TEX22: variants seen among roughly 807,000 people sequenced by gnomAD.
The protein encoded by TEX22 is testis expressed 22.
TEX22 carries 16 observed loss-of-function variants against 11.3 expected under a neutral mutation model. The ratio of observed to expected loss-of-function variants is 1.42; its 90% CI spans 0.96 to 2.15. TEX22 has a LOEUF of 2.15. TEX22 is among the 30% of genes most tolerant of loss of function. The pLI is 0.00. For synonymous variants in TEX22, 97 were observed against 92.3 expected, an observed-to-expected ratio of 1.05 and a Z score of -0.29; for missense variants, 220 against 208.6, an observed-to-expected ratio of 1.05 and a Z score of -0.34.
At chr14:105,402,651 G>A (rs2081636936) in intron 2 of TEX22, among the ~76,000 whole-genome samples, 1 of 151,850 alleles carries the variant, frequency 6.6e-6, no homozygotes, top group Non-Finnish European at 1.5e-5. Context: ...AGCTACTCGG[G>A]AGGCTGAGGC....
At chr14:105,399,577 T>C in intron 2 of TEX22, 87 bp downstream of exon 2, 1 of 1,411,118 alleles carries the variant, frequency 7.1e-7, no homozygotes, top group Non-Finnish European at 9.4e-7. Flanking sequence ...AGGCTGGTCG[T>C]GATGAGCAGC....
rs1555419396 is a variant in TEX22, at chr14:105,411,608, G to A, written c.280-52G>A. 7 of 1,278,518 alleles carry A rather than the reference G, an allele frequency of 5.5e-6. No homozygotes were observed. In the African/African-American group the frequency reaches 8.2e-5, roughly 15 times the overall value. The allele number at this position is 1,278,518 out of a possible 1,614,324, so 79.2% of individuals were successfully genotyped here. A position where few individuals can be genotyped will look rare whatever the true frequency, so the allele number is the denominator to read the frequency against. On this transcript the variant is annotated intron_variant, in intron 3 of 3. Coordinates refer to ENST00000451127, the MANE Select transcript of TEX22 (RefSeq NM_001195082.2). ...CTTTACCCCGGCGCTCCCGGGCCCCGCCGTTGTCCCCTTCCCGCCCCTCGA... is the reference window on the plus strand; with the variant it reads ...CTTTACCCCGGCGCTCCCGGGCCCCACCGTTGTCCCCTTCCCGCCCCTCGA...
At chr14:105,407,650 G>A (rs778281300) in intron 2 of TEX22, among the ~76,000 whole-genome samples, 24 of 152,174 alleles carry the variant, frequency 1.6e-4, no homozygotes, top group Non-Finnish European at 2.6e-4. Flanking sequence ...GATTACAGAC[G>A]AGAGCCACTG....
chr14:105,406,972 C>G (rs587723283), intron 2 of TEX22, among the ~76,000 whole-genome samples: 1 of 152,274 alleles, frequency 6.6e-6, no homozygotes, highest in East Asian at 1.9e-4. Context: ...ATTTAAAGCT[C>G]CAGCTTCTCG....
chr14:105,412,680 A>G lies in TEX22; in HGVS notation c.*847A>G, dbSNP rs1470399945. The G allele has an allele frequency of 3.2e-5, 4 of 126,260 alleles. No individual in the cohort carries two copies. The highest frequency in any genetic ancestry group is 1.2e-4 in the African/African-American group (4 of 33,740). The allele number at this position is 126,260 out of a possible 1,614,324, so 7.8% of individuals were successfully genotyped here. ...GAGGCGGGGCAGGAGAGCTGTGAGC[A>G]TGGGTTCCCAGCCCGGGGTGGGTGG... On this transcript the variant is annotated 3_prime_UTR_variant, in exon 4 of 4. Transcript: ENST00000451127. The surrounding 1 kb of genome is among the most constrained non-coding windows in gnomAD (Gnocchi z 5.8).
chr14:105,402,494 C>G (rs1354309664), intron 2 of TEX22, among the ~76,000 whole-genome samples: 1 of 152,122 alleles, frequency 6.6e-6, no homozygotes, highest in African/African-American at 2.4e-5. Flanking sequence ...GTGGCTCACG[C>G]CTGTAATCCC....
intron 2 of TEX22, among the ~76,000 whole-genome samples, chr14:105,400,014 A>T (rs1595216799): frequency 6.6e-6 from 1 of 152,194 alleles, no homozygotes; most frequent in Non-Finnish European, 1.5e-5. Flanking sequence ...TGTCAGGCCC[A>T]GTAGTGAGAA....
Position 105,399,289 on chromosome 14 carries a change from C to A in TEX22, c.-39-13C>A. 7.1e-7 allele frequency: 1 copy of A among 1,414,438 alleles called. No homozygotes were observed. Among genetic ancestry groups the A allele is most frequent in the Non-Finnish European group, 9.5e-7 (1 of 1,055,496 alleles). The allele number at this position is 1,414,438 out of a possible 1,614,324, so 87.6% of individuals were successfully genotyped here. On this transcript the variant is annotated splice_polypyrimidine_tract_variant and intron_variant, in intron 1 of 3. Coordinates refer to ENST00000451127, the MANE Select transcript of TEX22 (RefSeq NM_001195082.2). ...GTGGGCCCCGCCCCACCTCCCCCTG[C>A]TCCTACCCCCAGATCTCAGAGGTGT...
intron 2 of TEX22, among the ~76,000 whole-genome samples, chr14:105,403,448 A>G (rs1467817815): frequency 6.6e-6 from 1 of 152,204 alleles, no homozygotes; most frequent in African/African-American, 2.4e-5. Flanking sequence ...TGAACATAAA[A>G]TGATGTTATC....
intron 2 of TEX22, among the ~76,000 whole-genome samples, chr14:105,405,640 G>C (rs1555418834): frequency 1.3e-5 from 2 of 152,236 alleles, no homozygotes. Flanking sequence ...ATGTGGTTGT[G>C]TGGACGCCTG....
intron 2 of TEX22, among the ~76,000 whole-genome samples, chr14:105,402,524 G>A (rs587678122): frequency 1.4e-4 from 21 of 152,114 alleles, no homozygotes; most frequent in East Asian, 9.7e-4. Flanking sequence ...GGAGGCTGGG[G>A]CGGGCAGATC....
intron 2 of TEX22, among the ~76,000 whole-genome samples, chr14:105,403,393 G>A (rs587724515): frequency 6.6e-6 from 1 of 152,252 alleles, no homozygotes; most frequent in East Asian, 1.9e-4. Context: ...TAGGTCCGTG[G>A]TTGTGACCTG....
At chr14:105,405,584 A>G (rs2081654733) in intron 2 of TEX22, among the ~76,000 whole-genome samples, 1 of 152,236 alleles carries the variant, frequency 6.6e-6, no homozygotes, top group Non-Finnish European at 1.5e-5. Context: ...GCATCAGTTC[A>G]CATTGCATTT....
rs924813900 is a variant in TEX22 at position 105,402,572 on chromosome 14, G to A, written c.150+3082G>A. On this transcript the variant is annotated intron_variant, in intron 2 of 3. Coordinates refer to ENST00000451127, the MANE Select transcript of TEX22 (RefSeq NM_001195082.2). ...GATCAAGACCATCCTGGCTAACACGGTGAAACCCCGTCTCTACTAAAAAAT... is the reference window on the plus strand; with the variant it reads ...GATCAAGACCATCCTGGCTAACACGATGAAACCCCGTCTCTACTAAAAAAT... Among the ~76,000 whole-genome samples, 19 of 151,664 alleles carry A rather than the reference G, an allele frequency of 1.3e-4. No individual in the cohort carries two copies. The East Asian group carries it at 2.5e-3, about 20-fold the overall frequency.
intron 2 of TEX22, among the ~76,000 whole-genome samples, chr14:105,401,396 G>T (rs1270035277): frequency 1.3e-5 from 2 of 151,860 alleles, no homozygotes; most frequent in Non-Finnish European, 2.9e-5. Context: ...AAAAGAAGTC[G>T]CAGCCATAAA....
At chr14:105,404,432 G>C (rs1555418722) in intron 2 of TEX22, among the ~76,000 whole-genome samples, 1 of 152,236 alleles carries the variant, frequency 6.6e-6, no homozygotes, top group Non-Finnish European at 1.5e-5. Flanking sequence ...TGTGAGAGGG[G>C]ACGACACAGG....
chr14:105,411,261 T>G, intron 2 of TEX22, 107 bp from the exon 3 acceptor site: 1 of 1,172,000 alleles, frequency 8.5e-7, no homozygotes, highest in Non-Finnish European at 1.1e-6. Flanking sequence ...AGACGGCGCT[T>G]TAGAAAGCGC....
At chr14:105,400,451 C>T (rs1336768308) in intron 2 of TEX22, among the ~76,000 whole-genome samples, 2 of 152,124 alleles carry the variant, frequency 1.3e-5, no homozygotes, top group African/African-American at 4.8e-5. Flanking sequence ...ACACATAGGT[C>T]ACCTGTCTAG....
chr14:105,404,408 G>A (rs140272773), intron 2 of TEX22, among the ~76,000 whole-genome samples: 5 of 152,310 alleles, frequency 3.3e-5, no homozygotes, highest in African/African-American at 7.2e-5. Context: ...GGATACACTG[G>A]TCATCCTATT....
Sources: allele counts gnomAD v4.1 joint callset (sites outside exome capture counted in the v4.1 genomes callset), GRCh38; gene constraint gnomAD v4.1.1; non-coding constraint Gnocchi (gnomAD v3.1); transcripts MANE v1.5; gene names NCBI Gene and HGNC (gene_info 2026-07-23, HGNC 2026-07-21).